Variants in WDFY4 observed in about 807,000 individuals in gnomAD.
WDFY4 encodes WDFY family member 4.
Under a neutral mutation model 351.9 loss-of-function variants are expected in WDFY4, and 169 were observed. The ratio of observed to expected loss-of-function variants is 0.48; its 90% CI spans 0.42 to 0.55. The LOEUF is 0.55. Among genes scored for constraint, WDFY4 ranks in the 20% least tolerant of loss-of-function variants. WDFY4 has a pLI of 0.00. For missense variants in WDFY4, 3,803 were observed against 3,935.6 expected (o/e 0.97, Z 0.90); for synonymous variants, 1,622 against 1,574.6 (o/e 1.03, Z -0.71).
At chr10:48,893,986 C>T (rs1025733058) in intron 44 of WDFY4, among the ~76,000 whole-genome samples, 1 of 152,212 alleles carries the variant, frequency 6.6e-6, no homozygotes, top group Admixed American at 6.5e-5. Flanking sequence ...GTACCCTTGA[C>T]TGCCTGAAAT....
intron 12 of WDFY4, among the ~76,000 whole-genome samples, chr10:48,747,042 T>G (rs565034167): frequency 1.3e-5 from 2 of 152,366 alleles, no homozygotes; most frequent in South Asian, 4.1e-4. Flanking sequence ...TGTTAAACTT[T>G]CCTGTAGTGT....
At chr10:48,697,199 G>C (rs1200636930) in intron 1 of WDFY4, among the ~76,000 whole-genome samples, 1 of 152,220 alleles carries the variant, frequency 6.6e-6, no homozygotes, top group Non-Finnish European at 1.5e-5. Context: ...AGGTAACTTA[G>C]GAGCTAATGT....
At chr10:48,866,010 T>C (rs2069529586) in intron 39 of WDFY4, among the ~76,000 whole-genome samples, 1 of 152,150 alleles carries the variant, frequency 6.6e-6, no homozygotes, top group African/African-American at 2.4e-5. Context: ...CTGCCAATTT[T>C]ATCGATCTTT....
At chr10:48,850,049 T>C (rs1016699589) in intron 39 of WDFY4, among the ~76,000 whole-genome samples, 2 of 152,248 alleles carry the variant, frequency 1.3e-5, no homozygotes, top group African/African-American at 2.4e-5. Flanking sequence ...ACAGAAGTGA[T>C]ATGCCCTTCT....
intron 44 of WDFY4, among the ~76,000 whole-genome samples, chr10:48,893,071 A>G (rs1037642165): frequency 6.6e-6 from 1 of 152,196 alleles, no homozygotes; most frequent in African/African-American, 2.4e-5. Context: ...GCTTCCTCTG[A>G]CTGCTCTAGG....
chr10:48,772,686 TCCCTCC>T (rs1361720719), intron 13 of WDFY4, among the ~76,000 whole-genome samples: 1 of 148,064 alleles, frequency 6.8e-6, no homozygotes, highest in Non-Finnish European at 1.5e-5. Flanking sequence ...CCCAATGCTA[TCCCTCC>T]CCCTTACCCC....
At chr10:48,812,826 A>G (rs1209207506) in intron 30 of WDFY4, among the ~76,000 whole-genome samples, 1 of 152,096 alleles carries the variant, frequency 6.6e-6, no homozygotes, top group African/African-American at 2.4e-5. Flanking sequence ...ACCCGCCCTC[A>G]GCTGTGAGTC....
intron 51 of WDFY4, among the ~76,000 whole-genome samples, chr10:48,951,911 G>A (rs544681231): frequency 6.6e-6 from 1 of 152,292 alleles, no homozygotes; most frequent in East Asian, 1.9e-4. Flanking sequence ...GGCTGCTGCT[G>A]CATTTAATAA....
In WDFY4 at chr10:48,776,993, G is replaced by A. The variant is rs1411363641; in HGVS notation, c.3098+9G>A. ...TCCGTGGAAGGTTATGGGTATGACA[G>A]GCTTTCACATATTTAAAATGCACTT... On this transcript the variant is annotated intron_variant, in intron 16 of 61. Coordinates refer to ENST00000325239, the MANE Select transcript of WDFY4 (RefSeq NM_001394531.1). 14 of 1,542,098 alleles carry A rather than the reference G, an allele frequency of 9.1e-6. No individual in the cohort carries two copies. In the South Asian group the frequency reaches 1.3e-4, roughly 15 times the overall value.
intron 42 of WDFY4, among the ~76,000 whole-genome samples, chr10:48,875,701 C>G (rs1363851370): frequency 1.3e-5 from 2 of 152,236 alleles, no homozygotes; most frequent in East Asian, 1.9e-4. Flanking sequence ...AGCCATGAGC[C>G]AGCACACCTG....
chr10:48,739,293 C>T lies in WDFY4; in HGVS notation c.1878+3223C>T, dbSNP rs576622219. Among the ~76,000 whole-genome samples, 24 of 152,322 alleles carry T rather than the reference C, an allele frequency of 1.6e-4. 1 individual carries two copies. Among genetic ancestry groups the T allele is most frequent in the South Asian group, 1.2e-3 (6 of 4,820 alleles). ...AGCTGGAGGAATACTAACTCAGAGA[C>T]GATGACTTGGTAACTGAGTTAGGAT... On this transcript the variant is annotated intron_variant, in intron 11 of 61. Transcript: ENST00000325239.
intron 60 of WDFY4, among the ~76,000 whole-genome samples, chr10:48,979,140 G>A (rs1842701395): frequency 6.6e-6 from 1 of 152,172 alleles, no homozygotes; most frequent in South Asian, 2.1e-4. Flanking sequence ...AACAATCTGG[G>A]CTGAGCCAAG....
At chr10:48,914,207 T>A in intron 47 of WDFY4, 1 of 1,554,696 alleles carries the variant, frequency 6.4e-7, no homozygotes, top group Non-Finnish European at 8.7e-7. Context: ...TGGATAGTGA[T>A]CAGTGTGAGG....
At chr10:48,925,178 C>G (rs1470673933) in intron 47 of WDFY4, among the ~76,000 whole-genome samples, 1 of 152,214 alleles carries the variant, frequency 6.6e-6, no homozygotes, top group East Asian at 1.9e-4. Flanking sequence ...TCTCCCGACC[C>G]TCATATTTAC....
At chr10:48,756,627 A>G (rs2065345904) in intron 12 of WDFY4, among the ~76,000 whole-genome samples, 1 of 152,134 alleles carries the variant, frequency 6.6e-6, no homozygotes, top group Non-Finnish European at 1.5e-5. Flanking sequence ...GTTAGGTTAT[A>G]AACAATTCCT....
chr10:48,942,326 A>T (rs573888208), intron 48 of WDFY4, among the ~76,000 whole-genome samples: 4 of 152,296 alleles, frequency 2.6e-5, no homozygotes, highest in African/African-American at 9.6e-5. Flanking sequence ...GATGTCGGTG[A>T]TGGAGTACAA....
At chr10:48,924,996 G>T (rs1839446961) in intron 47 of WDFY4, among the ~76,000 whole-genome samples, 2 of 152,198 alleles carry the variant, frequency 1.3e-5, no homozygotes, top group Non-Finnish European at 2.9e-5. Context: ...ACATGGAACT[G>T]AAACCCCCAT....
Position 48,830,797 on chromosome 10 carries a change from T to C in WDFY4, c.6438T>C (p.Ser2146=), listed in dbSNP as rs2068163302. Reference sequence around the variant, plus strand: ...AGGATGCCTTCAAGATCGATCTCTCTGTGAAACCTGGAGAGAGGGAAGTGA... The same window carrying C: ...AGGATGCCTTCAAGATCGATCTCTCCGTGAAACCTGGAGAGAGGGAAGTGA... ...TLEDAFKIDL[S]VKPGEREVKI... is the part of the protein sequence containing the mutation. Residue 2146 remains serine (S), a synonymous_variant, in exon 38 of 62, where the codon TCT becomes TCC. Transcript: ENST00000325239. 6.4e-7 allele frequency: 1 copy of C among 1,551,526 alleles called. No homozygotes were observed. Among genetic ancestry groups the C allele is most frequent in the Non-Finnish European group, 8.7e-7 (1 of 1,146,962 alleles).
At position 48,890,599 on chromosome 10, in the gene WDFY4, G is replaced by A. The variant is rs569975728; in HGVS notation, c.7188G>A (p.Leu2396=). ...TCCAGGTGACGCAGAAGTTCTCCCT[G>A]GTGATTGTGCAGGGCCACCTGGTGT... ...DKEKVTQKFS[L]VIVQGHLVSE... Residue 2396 remains leucine (L), a synonymous_variant, in exon 44 of 62, where the codon CTG becomes CTA. Coordinates refer to ENST00000325239, the MANE Select transcript of WDFY4 (RefSeq NM_001394531.1). 12 of 1,551,674 alleles carry A rather than the reference G, an allele frequency of 7.7e-6. No individual in the cohort carries two copies. In the East Asian group the frequency reaches 2.9e-4, roughly 38 times the overall value.
Sources: gnomAD v4.1 joint callset for allele counts (sites outside exome capture counted in the v4.1 genomes callset) on GRCh38, gnomAD v4.1.1 for gene constraint, MANE v1.5 for transcripts, NCBI Gene and HGNC (gene_info 2026-07-23, HGNC 2026-07-21) for gene names.